The following COBL variants were observed in gnomAD, a reference collection of about 807,000 sequenced individuals.
COBL encodes cordon-bleu WH2 repeat protein, also known as protein cordon-bleu.
A neutral mutation model predicts 98.8 loss-of-function variants in COBL; 51 were observed. The observed-to-expected ratio is 0.52, with a 90% confidence interval of 0.41 to 0.65. The LOEUF (loss-of-function observed/expected upper bound fraction) is 0.65. Among genes scored for constraint, COBL ranks in the 30% least tolerant of loss-of-function variants. COBL has a pLI of 0.00. For missense variants in COBL, 1,617 were observed against 1,617.5 expected, an observed-to-expected ratio of 1.00 and a Z score of 0.01; for synonymous variants, 634 against 651.7, an observed-to-expected ratio of 0.97 and a Z score of 0.41.
chr7:51,126,787 C>A (rs147415019), intron 6 of COBL, among the ~76,000 whole-genome samples: 5 of 152,234 alleles, frequency 3.3e-5, no homozygotes, highest in Non-Finnish European at 7.4e-5. Context: ...GCCCTATTTG[C>A]TCTCCATTCA....
rs532758045 is a variant in COBL at position 51,304,266 on chromosome 7, G to A, written c.41+12327C>T. Among the ~76,000 whole-genome samples, 5 of 152,316 alleles carry A rather than the reference G, an allele frequency of 3.3e-5. No homozygotes were observed. In the South Asian group the frequency reaches 1.0e-3, roughly 32 times the overall value. ...CTCTATTTAGAAGTGGGGAGGCAGAGGTCACAGGCAGGTCCAGCCTTCTAA... is the reference window on the plus strand; with the variant it reads ...CTCTATTTAGAAGTGGGGAGGCAGAAGTCACAGGCAGGTCCAGCCTTCTAA... On this transcript the variant is annotated intron_variant, in intron 1 of 12. Transcript: ENST00000265136.
At chr7:51,019,478 G>A (rs921153502) in intron 12 of COBL, among the ~76,000 whole-genome samples, 1 of 152,196 alleles carries the variant, frequency 6.6e-6, no homozygotes, top group African/African-American at 2.4e-5. Context: ...TAGACTGAGG[G>A]AGGCTTTCTG....
At chr7:51,158,281 C>A (rs945037961) in intron 5 of COBL, among the ~76,000 whole-genome samples, 1 of 151,886 alleles carries the variant, frequency 6.6e-6, no homozygotes, top group African/African-American at 2.4e-5. Flanking sequence ...TGGTACCATG[C>A]AAAATTTCAA....
In COBL at chr7:51,029,343, C is replaced by T; in HGVS notation, c.1753G>A (p.Glu585Lys). ...RRDSLAPLQAEHSQPHEKARE... is the reference protein window; with the variant it reads ...RRDSLAPLQAKHSQPHEKARE... ...GCCTTTTCATGGGGCTGGCTGTGCTCAGCTTGAAGTGGCGCCAGGGAGTCT... is the reference window on the plus strand; with the variant it reads ...GCCTTTTCATGGGGCTGGCTGTGCTTAGCTTGAAGTGGCGCCAGGGAGTCT... Residue 585 changes from glutamate to lysine, a missense_variant, in exon 10 of 13, where the codon GAG becomes AAG. By Grantham distance (56) the Glu-to-Lys change is moderately conservative. Around this residue, in one of 3 missense-constraint regions of COBL, gnomAD observed 1,304 missense variants for 1,282.0 expected, o/e 1.02. Transcript: ENST00000265136. 1.2e-6 allele frequency: 2 copies of T among 1,604,262 alleles called. No homozygotes were observed. The highest frequency in any genetic ancestry group is 1.7e-6 in the Non-Finnish European group (2 of 1,173,952).
At chr7:51,224,904 C>T (rs935404943) in intron 1 of COBL, among the ~76,000 whole-genome samples, 5 of 152,124 alleles carry the variant, frequency 3.3e-5, no homozygotes, top group Admixed American at 6.5e-5. Flanking sequence ...TCAGGTGATC[C>T]GCCTGCATGT....
At chr7:51,267,480 T>TTA (rs547550558) in intron 1 of COBL, among the ~76,000 whole-genome samples, 5,934 of 150,756 alleles carry the variant, frequency 0.039, 176 homozygotes, top group Middle Eastern at 0.11. Flanking sequence ...ATTTGTATTT[T>TTA]TATATATATA....
chr7:51,218,765 C>T (rs1584214579), intron 2 of COBL, among the ~76,000 whole-genome samples: 1 of 152,202 alleles, frequency 6.6e-6, no homozygotes, highest in East Asian at 1.9e-4. Flanking sequence ...CCACCGTGCC[C>T]AGCCCATTTT....
At chr7:51,217,419 A>G (rs1019449769) in intron 2 of COBL, among the ~76,000 whole-genome samples, 2 of 140,784 alleles carry the variant, frequency 1.4e-5, no homozygotes, top group African/African-American at 5.4e-5. Context: ...TCGGCTCACC[A>G]CAGTCTCCAT....
At chr7:51,208,123 C>A (rs1584176621) in intron 2 of COBL, among the ~76,000 whole-genome samples, 2 of 151,926 alleles carry the variant, frequency 1.3e-5, no homozygotes, top group Middle Eastern at 6.9e-3. Context: ...CCGGCCGTGA[C>A]CCCGTCTGGG....
Position 51,264,586 on chromosome 7 carries a change from G to A in COBL, c.42-44642C>T, listed in dbSNP as rs549133517. On this transcript the variant is annotated intron_variant, in intron 1 of 12. Transcript: ENST00000265136. Reference sequence around the variant, plus strand: ...CTCGGGAGGCTGAGGAAGGAGAATCGCTTGAACCCGGGAGGTGGAGGTTGT... The same window carrying A: ...CTCGGGAGGCTGAGGAAGGAGAATCACTTGAACCCGGGAGGTGGAGGTTGT... 4.1e-5 allele frequency among the ~76,000 whole-genome samples: 6 copies of A among 146,858 alleles called. No homozygotes were observed. In the South Asian group the frequency reaches 8.7e-4, roughly 21 times the overall value.
chr7:51,183,354 A>G (rs1789175201), intron 5 of COBL, among the ~76,000 whole-genome samples: 1 of 152,244 alleles, frequency 6.6e-6, no homozygotes. Context: ...AGGATAAAAT[A>G]CTAGATATTA....
intron 1 of COBL, among the ~76,000 whole-genome samples, chr7:51,239,875 T>C (rs1795614404): frequency 6.6e-6 from 1 of 152,186 alleles, no homozygotes; most frequent in Non-Finnish European, 1.5e-5. Context: ...ACATTTTCCA[T>C]AAATAGCTAC....
chr7:51,226,500 A>T (rs1014472979), intron 1 of COBL, among the ~76,000 whole-genome samples: 2 of 145,022 alleles, frequency 1.4e-5, no homozygotes, highest in African/African-American at 5.3e-5. Context: ...GGGCCCAGGG[A>T]AGGAATTCGG....
intron 1 of COBL, among the ~76,000 whole-genome samples, chr7:51,284,663 C>A (rs192256622): frequency 8.7e-4 from 131 of 151,376 alleles, no homozygotes; most frequent in African/African-American, 3.1e-3. Context: ...CCCATCACTA[C>A]TAAAAATACA....
intron 12 of COBL, among the ~76,000 whole-genome samples, chr7:51,019,602 C>A (rs945099216): frequency 6.6e-6 from 1 of 152,132 alleles, no homozygotes. Context: ...AGGATGGTCA[C>A]TGTGGTAGGT....
At chr7:51,201,143 G>A (rs1442494516) in intron 2 of COBL, among the ~76,000 whole-genome samples, 2 of 151,664 alleles carry the variant, frequency 1.3e-5, no homozygotes, top group Non-Finnish European at 2.9e-5. Flanking sequence ...GGGAGGCTGA[G>A]GCAGAAGAAT....
chr7:51,173,011 ACTC>A (rs1273343512), intron 5 of COBL, among the ~76,000 whole-genome samples: 1 of 150,934 alleles, frequency 6.6e-6, no homozygotes, highest in Non-Finnish European at 1.5e-5. Context: ...CTGTTCTCGA[ACTC>A]CTGACCTTGG....
At chr7:51,128,153 A>G (rs1433769380) in intron 6 of COBL, among the ~76,000 whole-genome samples, 4 of 152,212 alleles carry the variant, frequency 2.6e-5, no homozygotes, top group Non-Finnish European at 5.9e-5. Flanking sequence ...TGTAGAGGGA[A>G]AGTGTCCCTG....
chr7:51,061,572 G>C (rs999024930), intron 7 of COBL, among the ~76,000 whole-genome samples: 4 of 152,114 alleles, frequency 2.6e-5, no homozygotes, highest in African/African-American at 7.2e-5. Context: ...GCTAAGCAAG[G>C]GGTGTTCGGG....
Sources: allele counts gnomAD v4.1 joint callset (sites outside exome capture counted in the v4.1 genomes callset), GRCh38; gene constraint gnomAD v4.1.1; regional missense constraint gnomAD v4.1.1; transcripts MANE v1.5; gene names NCBI Gene and HGNC (gene_info 2026-07-23, HGNC 2026-07-21).